ATP2B2: variants seen among roughly 807,000 people sequenced by gnomAD.
ATP2B2 encodes ATPase plasma membrane Ca2+ transporting 2, also known as plasma membrane calcium-transporting ATPase 2.
A neutral mutation model predicts 120.0 loss-of-function variants in ATP2B2; 15 were observed. That is an observed-to-expected ratio of 0.12 (90% confidence interval 0.08 to 0.19). ATP2B2 has a LOEUF of 0.19. ATP2B2 is among the 10% of genes least tolerant of loss of function. ATP2B2 has a pLI of 1.00. For synonymous variants in ATP2B2, 694 were observed against 700.3 expected (o/e 0.99, Z 0.14); for missense variants, 1,045 against 1,719.8 (o/e 0.61, Z 6.94).
At chr3:10,512,192 T>C (rs1012092600) in intron 3 of ATP2B2, among the ~76,000 whole-genome samples, 28 of 152,216 alleles carry the variant, frequency 1.8e-4, no homozygotes, top group African/African-American at 6.3e-4. Context: ...CTGTGATCTC[T>C]CTGTCGTCTT....
In ATP2B2 at chr3:10,411,550, G is replaced by A. The variant is rs9310361; in HGVS notation, c.200-735C>T. On this transcript the variant is annotated intron_variant, in intron 2 of 22. Coordinates refer to ENST00000360273, the MANE Select transcript of ATP2B2 (RefSeq NM_001001331.4). ...CCACTGCCTGGATTAAAATCCCAGCGTGATGGCCCTCGCTCTCTGAGCCTC... is the reference window on the plus strand; with the variant it reads ...CCACTGCCTGGATTAAAATCCCAGCATGATGGCCCTCGCTCTCTGAGCCTC... 1.3e-3 allele frequency among the ~76,000 whole-genome samples: 204 copies of A among 152,326 alleles called. 1 individual carries two copies. Among genetic ancestry groups the A allele is most frequent in the African/African-American group, 4.7e-3 (194 of 41,558 alleles).
chr3:10,513,892 G>GT (rs994113574), intron 3 of ATP2B2, among the ~76,000 whole-genome samples: 1 of 152,080 alleles, frequency 6.6e-6, no homozygotes, highest in Non-Finnish European at 1.5e-5. Context: ...ATAGAACCTG[G>GT]TTTTTTCCCA....
intron 18 of ATP2B2, among the ~76,000 whole-genome samples, chr3:10,345,052 G>A (rs540390786): frequency 1.3e-5 from 2 of 152,276 alleles, no homozygotes; most frequent in East Asian, 1.9e-4. Flanking sequence ...CTCTGCCCTC[G>A]TGGTGGCCAA....
rs2059828521 is a variant in ATP2B2, at chr3:10,324,396, T to C, written c.*4418A>G. ...ATATTGTTTTCAGTGGAGGGGGTGA[T>C]GGCTGCTGCCTGGGGCTGGGGACCC... is the stretch of plus-strand genomic sequence containing the variant. On this transcript the variant is annotated 3_prime_UTR_variant, in exon 23 of 23. Transcript: ENST00000360273. 1 of 152,180 alleles carries C rather than the reference T, an allele frequency of 6.6e-6. No individual in the cohort carries two copies. Among genetic ancestry groups the C allele is most frequent in the Non-Finnish European group, 1.5e-5 (1 of 68,092 alleles). 9.4% of individuals were successfully genotyped at this position (152,180 alleles called of 1,614,324 possible). A position where few individuals can be genotyped will look rare whatever the true frequency, so the allele number is the denominator to read the frequency against.
At chr3:10,462,885 G>A (rs552395849) in intron 1 of ATP2B2, among the ~76,000 whole-genome samples, 1 of 152,298 alleles carries the variant, frequency 6.6e-6, no homozygotes, top group East Asian at 1.9e-4. Context: ...CTTGGGGTCC[G>A]AGTTGGCCTC....
chr3:10,673,362 C>T (rs1393100346), intron 1 of ATP2B2, among the ~76,000 whole-genome samples: 1 of 151,390 alleles, frequency 6.6e-6, no homozygotes, highest in Non-Finnish European at 1.5e-5. Flanking sequence ...CAAGGGTCCT[C>T]ACATCTAATT....
chr3:10,352,947 T>C (rs373200612), intron 14 of ATP2B2, among the ~76,000 whole-genome samples: 1 of 152,194 alleles, frequency 6.6e-6, no homozygotes, highest in South Asian at 2.1e-4. Flanking sequence ...GGTCATTGAC[T>C]TTGACCCTCT....
chr3:10,425,576 G>A (rs1401199728), intron 2 of ATP2B2, among the ~76,000 whole-genome samples: 3 of 152,204 alleles, frequency 2.0e-5, no homozygotes, highest in East Asian at 3.9e-4. Context: ...ATAAGGTAAC[G>A]AGTGTGACGC....
chr3:10,644,127 C>T (rs770414335), intron 1 of ATP2B2, among the ~76,000 whole-genome samples: 1 of 152,166 alleles, frequency 6.6e-6, no homozygotes, highest in Non-Finnish European at 1.5e-5. Flanking sequence ...CTTGAACAGA[C>T]ATTTCCCCGA....
chr3:10,462,170 C>G (rs2064520681), intron 1 of ATP2B2, among the ~76,000 whole-genome samples: 1 of 152,206 alleles, frequency 6.6e-6, no homozygotes, highest in African/African-American at 2.4e-5. Flanking sequence ...TCCCAAGCTC[C>G]AGAACCGACC....
rs139661350 is a variant in ATP2B2 at position 10,386,863 on chromosome 3, C to T, written c.908-351G>A. On this transcript the variant is annotated intron_variant, in intron 6 of 22. Coordinates refer to ENST00000360273, the MANE Select transcript of ATP2B2 (RefSeq NM_001001331.4). ...CACAGGAGTGCAGGTGCATGCTCAG[C>T]GAAGGACCCTGAACTGTGCTTCTGG... Among the ~76,000 whole-genome samples, 117 of 152,308 alleles carry T rather than the reference C, an allele frequency of 7.7e-4. 1 individual carries two copies. The highest frequency in any genetic ancestry group is 2.3e-3 in the East Asian group (12 of 5,182).
Position 10,376,541 on chromosome 3 carries a change from C to T in ATP2B2, c.1202-897G>A, listed in dbSNP as rs577654039. Among the ~76,000 whole-genome samples, 14 of 152,274 alleles carry T rather than the reference C, an allele frequency of 9.2e-5. No individual in the cohort carries two copies. In the South Asian group the frequency reaches 2.9e-3, roughly 32 times the overall value. On this transcript the variant is annotated intron_variant, in intron 10 of 22. Coordinates refer to ENST00000360273, the MANE Select transcript of ATP2B2 (RefSeq NM_001001331.4). ...AACGCAGCTGGGGACCCATCCTGATCCCCTGGGGCTTCCTCTTCAGTTTAG... is the reference window on the plus strand; with the variant it reads ...AACGCAGCTGGGGACCCATCCTGATTCCCTGGGGCTTCCTCTTCAGTTTAG...
intron 1 of ATP2B2, among the ~76,000 whole-genome samples, chr3:10,450,392 C>T (rs2063994957): frequency 6.6e-6 from 1 of 152,052 alleles, no homozygotes; most frequent in Admixed American, 6.5e-5. Flanking sequence ...GGACACTCTC[C>T]CCCAAATACA....
intron 1 of ATP2B2, among the ~76,000 whole-genome samples, chr3:10,489,122 C>T (rs953117481): frequency 7.4e-4 from 112 of 152,342 alleles, no homozygotes; most frequent in African/African-American, 2.5e-3. Flanking sequence ...GAAACCCTCG[C>T]CCCAAACAGC....
At position 10,347,189 on chromosome 3, in the gene ATP2B2, T is replaced by TC. The variant is rs1213117506; in HGVS notation, c.2405-1053dup. ...CATCCTGACCTCTTCTCTTCTCTCA[T>TC]CCCCTGGCCACCCCCAATCTGTGCT... On this transcript the variant is annotated intron_variant, in intron 16 of 22. Transcript: ENST00000360273. This position sits in a 1 kb window ranked among gnomAD's most constrained non-coding sequence, Gnocchi z 5.2. 6.6e-6 allele frequency among the ~76,000 whole-genome samples: 1 copy of TC among 152,048 alleles called. No individual in the cohort carries two copies. Among genetic ancestry groups the TC allele is most frequent in the Non-Finnish European group, 1.5e-5 (1 of 68,020 alleles).
chr3:10,652,617 A>G (rs1225986356), intron 1 of ATP2B2, among the ~76,000 whole-genome samples: 1 of 152,188 alleles, frequency 6.6e-6, no homozygotes, highest in Non-Finnish European at 1.5e-5. Flanking sequence ...TATATACCAA[A>G]AAGAATTGAA....
intron 22 of ATP2B2, among the ~76,000 whole-genome samples, chr3:10,334,747 C>T (rs1227127830): frequency 3.9e-5 from 6 of 152,152 alleles, no homozygotes; most frequent in East Asian, 1.9e-4. Context: ...CCCTGTGGCC[C>T]GCGCCTCCTA....
chr3:10,547,048 A>G (rs6808128), intron 2 of ATP2B2, among the ~76,000 whole-genome samples: 17,486 of 152,226 alleles, frequency 0.11, 1,357 homozygotes, highest in East Asian at 0.34. Flanking sequence ...ACACTCCAGC[A>G]GCCGGGAACT....
intron 2 of ATP2B2, among the ~76,000 whole-genome samples, chr3:10,582,670 C>G (rs1425130485): frequency 1.3e-5 from 2 of 152,204 alleles, no homozygotes; most frequent in Admixed American, 6.5e-5. Flanking sequence ...CCAGTAAGAT[C>G]TGGGAAGTGT....
Sources: gnomAD v4.1 joint callset for allele counts (sites outside exome capture counted in the v4.1 genomes callset) on GRCh38, gnomAD v4.1.1 for gene constraint, Gnocchi (gnomAD v3.1) non-coding constraint, MANE v1.5 for transcripts, NCBI Gene and HGNC (gene_info 2026-07-23, HGNC 2026-07-21) for gene names.